CLSTN2: variants seen among roughly 807,000 people sequenced by gnomAD.
The protein encoded by CLSTN2 is calsyntenin 2.
Under a neutral mutation model 101.2 loss-of-function variants are expected in CLSTN2, and 48 were observed. The ratio of observed to expected loss-of-function variants is 0.47; its 90% confidence interval spans 0.38 to 0.60. The LOEUF (loss-of-function observed/expected upper bound fraction) is 0.60, where lower values mean the gene tolerates loss of function less well. Among genes scored for constraint, CLSTN2 ranks in the 20% least tolerant of loss-of-function variants. CLSTN2 has a pLI of 0.00. For synonymous variants in CLSTN2, 481 were observed against 463.6 expected (o/e 1.04, Z -0.48); for missense variants, 1,160 against 1,238.2 (o/e 0.94, Z 0.95).
chr3:139,966,924 A>C (rs1481725138), intron 1 of CLSTN2, among the ~76,000 whole-genome samples: 1 of 152,162 alleles, frequency 6.6e-6, no homozygotes, highest in Non-Finnish European at 1.5e-5. Context: ...TCATCACTCT[A>C]TCGTGCTGCC....
At chr3:140,284,211 AT>A (rs1421665496) in intron 2 of CLSTN2, among the ~76,000 whole-genome samples, 2 of 152,198 alleles carry the variant, frequency 1.3e-5, no homozygotes, top group Admixed American at 1.3e-4. Flanking sequence ...CAAAATAAGA[AT>A]TTCCTATATT....
intron 10 of CLSTN2, among the ~76,000 whole-genome samples, chr3:140,551,620 A>G (rs1246498238): frequency 6.6e-6 from 1 of 152,178 alleles, no homozygotes; most frequent in Admixed American, 6.5e-5. Flanking sequence ...GGGCCACATC[A>G]GAGGCCACCT....
At chr3:140,284,380 G>A (rs2086877220) in intron 2 of CLSTN2, among the ~76,000 whole-genome samples, 1 of 152,100 alleles carries the variant, frequency 6.6e-6, no homozygotes, top group Non-Finnish European at 1.5e-5. Context: ...CCCTTAGCCA[G>A]TCTTTAAGGT....
intron 1 of CLSTN2, among the ~76,000 whole-genome samples, chr3:139,960,708 A>T (rs16849601): frequency 0.11 from 17,032 of 152,180 alleles, 1,065 homozygotes; most frequent in Middle Eastern, 0.23. Context: ...CCATGTTAGA[A>T]TATTTGCCCA....
At chr3:140,395,855 A>G (rs545131458) in intron 2 of CLSTN2, among the ~76,000 whole-genome samples, 42 of 152,274 alleles carry the variant, frequency 2.8e-4, no homozygotes, top group Admixed American at 4.6e-4. Context: ...CTGTCTGCCA[A>G]CTGTGTACTA....
chr3:140,258,261 A>G (rs1024204363), intron 2 of CLSTN2, among the ~76,000 whole-genome samples: 1 of 152,156 alleles, frequency 6.6e-6, no homozygotes, highest in Admixed American at 6.5e-5. Context: ...CCATCTTCCA[A>G]TTTGCTAATT....
At chr3:140,490,513 C>G (rs1358144586) in intron 8 of CLSTN2, among the ~76,000 whole-genome samples, 1 of 144,962 alleles carries the variant, frequency 6.9e-6, no homozygotes, top group African/African-American at 2.5e-5. Context: ...TGGACCACTT[C>G]AAAATGTGAC....
chr3:140,273,494 AG>A (rs2086763631), intron 2 of CLSTN2, among the ~76,000 whole-genome samples: 1 of 152,236 alleles, frequency 6.6e-6, no homozygotes, highest in Admixed American at 6.5e-5. Context: ...ATGTGGCCTC[AG>A]GATGACTTCA....
intron 2 of CLSTN2, among the ~76,000 whole-genome samples, chr3:140,251,594 T>TTTCCTTTCCTTTCCTTTCC (rs2086564227): frequency 6.9e-6 from 1 of 145,530 alleles, no homozygotes; most frequent in Admixed American, 6.9e-5. Context: ...GTTCCTTTCC[T>TTTCCTTTCCTTTCCTTTCC]TTCCTTTCCT....
chr3:140,218,153 TA>T (rs1398110544), intron 2 of CLSTN2, among the ~76,000 whole-genome samples: 2 of 152,238 alleles, frequency 1.3e-5, no homozygotes, highest in East Asian at 3.8e-4. Context: ...TATTTTATAT[TA>T]TTAAGCTCCT....
At position 140,274,382 on chromosome 3, in the gene CLSTN2, GA is replaced by G. The variant is rs571778765; in HGVS notation, c.232+98311del. Among the ~76,000 whole-genome samples the G allele has an allele frequency of 3.8e-4, 58 of 152,282 alleles. 1 individual carries two copies. In the Middle Eastern group the frequency reaches 0.014, roughly 36 times the overall value. On this transcript the variant is annotated intron_variant, in intron 2 of 16. Coordinates refer to ENST00000458420, the MANE Select transcript of CLSTN2 (RefSeq NM_022131.3). ...TGGACCAGCTCCCCAAAATCTGATGGAAGCCACCCCAACTCTGTCCATTCAG... is the reference window on the plus strand; with the variant it reads ...TGGACCAGCTCCCCAAAATCTGATGGAGCCACCCCAACTCTGTCCATTCAG...
chr3:140,090,289 A>T (rs1481215975), intron 1 of CLSTN2, among the ~76,000 whole-genome samples: 1 of 151,984 alleles, frequency 6.6e-6, no homozygotes, highest in Non-Finnish European at 1.5e-5. Context: ...CTTAGCCATT[A>T]GGCTGATGCC....
At chr3:140,065,993 C>T (rs1472613132) in intron 1 of CLSTN2, among the ~76,000 whole-genome samples, 1 of 152,224 alleles carries the variant, frequency 6.6e-6, no homozygotes, top group Non-Finnish European at 1.5e-5. Context: ...ATAACATTCA[C>T]CACCACTGAT....
At chr3:140,534,714 A>G (rs1427219452) in intron 9 of CLSTN2, among the ~76,000 whole-genome samples, 1 of 152,218 alleles carries the variant, frequency 6.6e-6, no homozygotes, top group Non-Finnish European at 1.5e-5. Flanking sequence ...TTTTATTCAT[A>G]TTTTATTGGC....
At chr3:140,135,087 A>ACACACACACACACACAC (rs1553801553) in intron 1 of CLSTN2, among the ~76,000 whole-genome samples, 1 of 51,394 alleles carries the variant, frequency 1.9e-5, no homozygotes, top group East Asian at 1.3e-3. Context: ...CTCTCAAAAA[A>ACACACACACACACACAC]ACACACACAC....
At chr3:139,958,616 T>C (rs1224135907) in intron 1 of CLSTN2, among the ~76,000 whole-genome samples, 2 of 151,690 alleles carry the variant, frequency 1.3e-5, no homozygotes, top group South Asian at 2.1e-4. Flanking sequence ...ACTGGGAACC[T>C]GCAGAGAAGC....
intron 1 of CLSTN2, among the ~76,000 whole-genome samples, chr3:139,937,943 C>T (rs1339433461): frequency 6.6e-6 from 1 of 151,886 alleles, no homozygotes; most frequent in Admixed American, 6.6e-5. Flanking sequence ...TTGATTACAA[C>T]AGAGACATTT....
At chr3:140,524,936 A>G (rs1935105833) in intron 8 of CLSTN2, among the ~76,000 whole-genome samples, 1 of 152,234 alleles carries the variant, frequency 6.6e-6, no homozygotes, top group Non-Finnish European at 1.5e-5. Context: ...CTTTGGATGC[A>G]GCTAAAGTTG....
At chr3:140,380,893 A>T (rs553233221) in intron 2 of CLSTN2, among the ~76,000 whole-genome samples, 2 of 152,326 alleles carry the variant, frequency 1.3e-5, no homozygotes, top group Admixed American at 6.5e-5. Context: ...GAAGAAGTGT[A>T]GTTGTGGGCC....
Sources: gnomAD v4.1 joint callset for allele counts (sites outside exome capture counted in the v4.1 genomes callset) on GRCh38, gnomAD v4.1.1 for gene constraint, MANE v1.5 for transcripts, NCBI Gene and HGNC (gene_info 2026-07-23, HGNC 2026-07-21) for gene names.